The following SLC27A6 variants were observed in gnomAD, a reference collection of about 807,000 sequenced individuals.
SLC27A6 encodes the protein long-chain fatty acid transport protein 6.
Under a neutral mutation model 63.9 loss-of-function variants are expected in SLC27A6, and 74 were observed. That is an observed-to-expected ratio of 1.16 (90% CI 0.96 to 1.40). The LOEUF (loss-of-function observed/expected upper bound fraction) is 1.40. SLC27A6 is among the 40% of genes most tolerant of loss of function. SLC27A6 has a pLI of 0.00. For missense variants in SLC27A6, 794 were observed against 732.9 expected (o/e 1.08, Z -0.96); for synonymous variants, 287 against 260.8 (o/e 1.10, Z -0.97).
At chr5:128,998,651 A>G (rs189150875) in intron 4 of SLC27A6, among the ~76,000 whole-genome samples, 105 of 152,254 alleles carry the variant, frequency 6.9e-4, no homozygotes, top group Admixed American at 1.6e-3. Flanking sequence ...TGTTAGTAAG[A>G]TTTTCCCACA....
chr5:128,993,150 G>A (rs1340557943), intron 4 of SLC27A6, among the ~76,000 whole-genome samples: 2 of 151,546 alleles, frequency 1.3e-5, no homozygotes, highest in African/African-American at 4.8e-5. Flanking sequence ...AGAAGCTCAT[G>A]CACATTGTAG....
chr5:129,024,176 A>T (rs1372666075), intron 6 of SLC27A6, among the ~76,000 whole-genome samples: 5 of 152,080 alleles, frequency 3.3e-5, no homozygotes, highest in Non-Finnish European at 5.9e-5. Context: ...ATTAAATGTT[A>T]AGAGCCCTAG....
intron 4 of SLC27A6, among the ~76,000 whole-genome samples, chr5:129,015,060 T>C (rs572921255): frequency 1.3e-5 from 2 of 152,332 alleles, no homozygotes; most frequent in Non-Finnish European, 2.9e-5. Flanking sequence ...TTTATTGTTG[T>C]TGCTGATTTA....
chr5:129,021,555 C>T (rs185829710), intron 5 of SLC27A6, among the ~76,000 whole-genome samples: 1 of 152,272 alleles, frequency 6.6e-6, no homozygotes, highest in East Asian at 1.9e-4. Context: ...TGAATGGGAC[C>T]CCATGTTTTG....
At chr5:129,016,495 T>A (rs986650434) in intron 5 of SLC27A6, among the ~76,000 whole-genome samples, 3 of 151,626 alleles carry the variant, frequency 2.0e-5, no homozygotes, top group Admixed American at 6.6e-5. Context: ...ACCTTTTTTT[T>A]TTTTTAAGTT....
chr5:128,983,484 G>A (rs1299197683), intron 1 of SLC27A6, among the ~76,000 whole-genome samples: 1 of 151,744 alleles, frequency 6.6e-6, no homozygotes, highest in Admixed American at 6.6e-5. Context: ...TAGTAGAGAT[G>A]GGGTTTCACC....
intron 4 of SLC27A6, among the ~76,000 whole-genome samples, chr5:129,006,069 C>CTTTTTTTTTTT (rs1561624835): frequency 1.1e-4 from 7 of 64,842 alleles, no homozygotes; most frequent in Admixed American, 2.2e-4. Context: ...CCTGTGCACA[C>CTTTTTTTTTTT]TGTTTTTTTT....
At chr5:128,968,645 T>G (rs1224883062) in intron 1 of SLC27A6, among the ~76,000 whole-genome samples, 1 of 152,248 alleles carries the variant, frequency 6.6e-6, no homozygotes, top group African/African-American at 2.4e-5. Flanking sequence ...TTAAGTTCTT[T>G]GTAGATTCTA....
At chr5:128,985,373 G>A (rs1750753254) in intron 2 of SLC27A6, 37 bp downstream of exon 2, 4 of 1,585,350 alleles carry the variant, frequency 2.5e-6, no homozygotes, top group East Asian at 2.2e-5. Flanking sequence ...AAATGAATGC[G>A]AGAAATTTGC....
intron 5 of SLC27A6, among the ~76,000 whole-genome samples, chr5:129,017,310 A>G (rs1003636102): frequency 6.6e-6 from 1 of 152,118 alleles, no homozygotes; most frequent in African/African-American, 2.4e-5. Flanking sequence ...CCTCCTATAT[A>G]TTTGGAAATA....
intron 1 of SLC27A6, among the ~76,000 whole-genome samples, chr5:128,979,787 TGA>T (rs1750521682): frequency 6.6e-6 from 1 of 152,238 alleles, no homozygotes; most frequent in Admixed American, 6.5e-5. Context: ...TGGGAACAAC[TGA>T]GAGTGAAAAC....
At chr5:128,968,969 G>C (rs1750027521) in intron 1 of SLC27A6, among the ~76,000 whole-genome samples, 1 of 152,200 alleles carries the variant, frequency 6.6e-6, no homozygotes, top group African/African-American at 2.4e-5. Flanking sequence ...TCCAGTTTCA[G>C]CTTTCTACAT....
intron 4 of SLC27A6, among the ~76,000 whole-genome samples, chr5:129,001,067 C>CTGA (rs1751317280): frequency 6.6e-6 from 1 of 152,192 alleles, no homozygotes; most frequent in Admixed American, 6.5e-5. Flanking sequence ...CTTTGTTAAA[C>CTGA]TGATGGCTGT....
At chr5:129,021,728 A>G (rs1331853074) in intron 5 of SLC27A6, among the ~76,000 whole-genome samples, 2 of 152,246 alleles carry the variant, frequency 1.3e-5, no homozygotes, top group Non-Finnish European at 2.9e-5. Flanking sequence ...AGGAAGGAGA[A>G]TGGAAATATT....
At chr5:128,968,705 C>T (rs955455889) in intron 1 of SLC27A6, among the ~76,000 whole-genome samples, 8 of 152,032 alleles carry the variant, frequency 5.3e-5, no homozygotes, top group South Asian at 2.1e-4. Flanking sequence ...TTCTCCCATT[C>T]TATAGGTTGC....
rs566169567 is a variant in SLC27A6, at chr5:128,975,343, T to C, written c.481+8725T>C. On this transcript the variant is annotated intron_variant, in intron 1 of 9. Transcript: ENST00000262462. Reference sequence around the variant, plus strand: ...TCCGGTCTGGGGAATAGAGTGAGACTCCAAAAAACAAAAGCAAACAAACAA... The same window carrying C: ...TCCGGTCTGGGGAATAGAGTGAGACCCCAAAAAACAAAAGCAAACAAACAA... Among the ~76,000 whole-genome samples the C allele has an allele frequency of 1.8e-4, 28 of 152,276 alleles. No individual in the cohort carries two copies. The South Asian group carries it at 5.4e-3, about 29-fold the overall frequency.
intron 5 of SLC27A6, among the ~76,000 whole-genome samples, chr5:129,021,771 A>C (rs1016043420): frequency 1.4e-4 from 22 of 152,208 alleles, no homozygotes; most frequent in African/African-American, 5.1e-4. Context: ...GCTCCAGAGT[A>C]CTTCTAGAAA....
intron 6 of SLC27A6, among the ~76,000 whole-genome samples, chr5:129,024,670 A>G (rs1752178874): frequency 6.6e-6 from 1 of 152,168 alleles, no homozygotes; most frequent in African/African-American, 2.4e-5. Context: ...TTGCTGCTGC[A>G]TATAATCAAA....
rs765454461 is a variant in SLC27A6 at position 129,033,173 on chromosome 5, C to T, written c.1751C>T (p.Pro584Leu). 5.0e-6 allele frequency: 8 copies of T among 1,608,336 alleles called. No homozygotes were observed. The East Asian group carries it at 6.7e-5, about 14-fold the overall frequency. Residue 584 changes from proline (P) to leucine (L), a missense_variant, in exon 10 of 10, where the codon CCA becomes CTA. Transcript: ENST00000262462. The stretch of plus-strand genomic sequence containing the variant: ...CAGTTGGTGGAAGATGGATTTAATC[C>T]ACTGAAAATTTCTGAACCACTTTAC... ...KHQLVEDGFN[P>L]LKISEPLYFM... is the part of the protein sequence containing the mutation.
Sources: gnomAD v4.1 joint callset for allele counts (sites outside exome capture counted in the v4.1 genomes callset) on GRCh38, gnomAD v4.1.1 for gene constraint, MANE v1.5 for transcripts, NCBI Gene and HGNC (gene_info 2026-07-23, HGNC 2026-07-21) for gene names.